Variants in NUDCD3 observed in about 807,000 individuals in gnomAD.
The protein encoded by NUDCD3 is NudC domain containing 3.
In NUDCD3, 13 loss-of-function variants were observed where a neutral mutation model predicts 39.7. That is an observed-to-expected ratio of 0.33 (90% confidence interval 0.21 to 0.52). The LOEUF is 0.52. Among genes scored for constraint, NUDCD3 ranks in the 20% least tolerant of loss-of-function variants. NUDCD3 has a pLI of 0.96. For synonymous variants in NUDCD3, 175 were observed against 172.4 expected, an observed-to-expected ratio of 1.02 and a Z score of -0.12; for missense variants, 453 against 458.1, an observed-to-expected ratio of 0.99 and a Z score of 0.10.
intron 4 of NUDCD3, among the ~76,000 whole-genome samples, chr7:44,395,889 A>G (rs1046931123): frequency 3.3e-5 from 5 of 152,218 alleles, no homozygotes. Flanking sequence ...ATTGATGTAC[A>G]TACATCTGTT....
intron 2 of NUDCD3, among the ~76,000 whole-genome samples, chr7:44,435,225 C>T (rs1698374081): frequency 6.6e-6 from 1 of 152,166 alleles, no homozygotes; most frequent in Admixed American, 6.5e-5. Flanking sequence ...AGCCTGCCTA[C>T]TTTAAAGACA....
intron 2 of NUDCD3, among the ~76,000 whole-genome samples, chr7:44,465,311 C>T (rs1405947392): frequency 6.6e-6 from 1 of 152,168 alleles, no homozygotes; most frequent in East Asian, 1.9e-4. Context: ...ACAGCCACAG[C>T]ACAGTTCACA....
intron 3 of NUDCD3, among the ~76,000 whole-genome samples, chr7:44,416,300 G>C (rs1372817534): frequency 6.6e-6 from 1 of 151,886 alleles, no homozygotes; most frequent in Non-Finnish European, 1.5e-5. Flanking sequence ...TGATGCCCAG[G>C]CTGGTCTCAA....
intron 2 of NUDCD3, among the ~76,000 whole-genome samples, chr7:44,457,062 T>C (rs191603955): frequency 1.3e-5 from 2 of 151,912 alleles, no homozygotes; most frequent in Admixed American, 1.3e-4. Flanking sequence ...CATGTCCCAA[T>C]AATCTCTCAA....
At chr7:44,443,907 CATT>C (rs1352409532) in intron 2 of NUDCD3, among the ~76,000 whole-genome samples, 2 of 152,162 alleles carry the variant, frequency 1.3e-5, no homozygotes, top group African/African-American at 4.8e-5. Context: ...AGCCTCCTCT[CATT>C]ATACTCTGAA....
At chr7:44,452,661 A>G (rs1166477996) in intron 2 of NUDCD3, among the ~76,000 whole-genome samples, 1 of 152,210 alleles carries the variant, frequency 6.6e-6, no homozygotes, top group Non-Finnish European at 1.5e-5. Context: ...AATGGTCATA[A>G]GATCACTCAT....
At chr7:44,446,237 C>T (rs1039902969) in intron 2 of NUDCD3, among the ~76,000 whole-genome samples, 4 of 152,242 alleles carry the variant, frequency 2.6e-5, no homozygotes, top group South Asian at 2.1e-4. Context: ...TTCCTTGTGA[C>T]CATCTTAGGG....
At position 44,385,722 on chromosome 7, in the gene NUDCD3, T is replaced by C; in HGVS notation, c.*289A>G. 1 of 411,378 alleles carries C rather than the reference T, an allele frequency of 2.4e-6. No homozygotes were observed. Among genetic ancestry groups the C allele is most frequent in the Non-Finnish European group, 4.4e-6 (1 of 229,278 alleles). The allele number at this position is 411,378 out of a possible 1,614,324, so 25.5% of individuals were successfully genotyped here. A position where few individuals can be genotyped will look rare whatever the true frequency, so the allele number is the denominator to read the frequency against. On this transcript the variant is annotated 3_prime_UTR_variant, in exon 6 of 6. Coordinates refer to ENST00000355451, the MANE Select transcript of NUDCD3 (RefSeq NM_015332.4). ...TGCTGCCTGCAGTGGCTGGTTGCTG[T>C]GGAGACAAAAGCATGTGATCCCAAT...
At chr7:44,388,233 G>A (rs539369087) in intron 5 of NUDCD3, among the ~76,000 whole-genome samples, 9 of 152,354 alleles carry the variant, frequency 5.9e-5, no homozygotes, top group African/African-American at 1.9e-4. Flanking sequence ...GAGCACGCTG[G>A]TAACTGTGAC....
At chr7:44,434,725 G>A (rs1324543480) in intron 2 of NUDCD3, among the ~76,000 whole-genome samples, 1 of 152,162 alleles carries the variant, frequency 6.6e-6, no homozygotes, top group Non-Finnish European at 1.5e-5. Flanking sequence ...CAGTCAAGCA[G>A]TTTCCCTGAA....
intron 3 of NUDCD3, among the ~76,000 whole-genome samples, chr7:44,418,619 T>C (rs759559978): frequency 7.2e-5 from 11 of 152,168 alleles, no homozygotes; most frequent in Non-Finnish European, 1.5e-4. Context: ...GAATGAATGA[T>C]ATGGGGGGAT....
In NUDCD3 at chr7:44,419,400, C is replaced by T. The variant is rs376940821; in HGVS notation, c.642+8171G>A. Reference sequence around the variant, plus strand: ...ACCTGGGAGAAGGGACGGCTGTGGGCGCAGCTTCAGCAGACTTAAACATTC... The same window carrying T: ...ACCTGGGAGAAGGGACGGCTGTGGGTGCAGCTTCAGCAGACTTAAACATTC... On this transcript the variant is annotated intron_variant, in intron 3 of 5. Coordinates refer to ENST00000355451, the MANE Select transcript of NUDCD3 (RefSeq NM_015332.4). Among the ~76,000 whole-genome samples the T allele has an allele frequency of 4.0e-4, 61 of 152,262 alleles. 1 individual carries two copies. The highest frequency in any genetic ancestry group is 1.4e-3 in the African/African-American group (58 of 41,558).
At chr7:44,436,264 G>C (rs911822756) in intron 2 of NUDCD3, among the ~76,000 whole-genome samples, 3 of 151,866 alleles carry the variant, frequency 2.0e-5, no homozygotes, top group African/African-American at 7.3e-5. Context: ...ATGATGTCTG[G>C]GATTTGTTCT....
intron 3 of NUDCD3, among the ~76,000 whole-genome samples, chr7:44,413,470 A>C (rs1422429548): frequency 2.6e-5 from 4 of 152,210 alleles, no homozygotes; most frequent in Non-Finnish European, 5.9e-5. Context: ...CAGAACTCCT[A>C]GAAATCAGTA....
At chr7:44,437,314 C>T (rs1410932756) in intron 2 of NUDCD3, among the ~76,000 whole-genome samples, 7 of 151,884 alleles carry the variant, frequency 4.6e-5, no homozygotes, top group East Asian at 1.9e-4. Flanking sequence ...ATGATCTGCC[C>T]GCCTTGGCCT....
intron 2 of NUDCD3, among the ~76,000 whole-genome samples, chr7:44,441,420 T>C (rs1187127133): frequency 6.6e-6 from 1 of 152,154 alleles, no homozygotes; most frequent in Non-Finnish European, 1.5e-5. Flanking sequence ...AACCACCCAG[T>C]CTTCCAGGGA....
At position 44,443,504 on chromosome 7, in the gene NUDCD3, G is replaced by A. The variant is rs1299416811; in HGVS notation, c.510-15801C>T. On this transcript the variant is annotated intron_variant, in intron 2 of 5. Coordinates refer to ENST00000355451, the MANE Select transcript of NUDCD3 (RefSeq NM_015332.4). The stretch of plus-strand genomic sequence containing the variant: ...TGGCTCACTGCTACCTCCACCTCCC[G>A]GGTTCAAGCAATTCTCCTGCCTCAG... 6.6e-5 allele frequency among the ~76,000 whole-genome samples: 10 copies of A among 151,972 alleles called. No homozygotes were observed. The East Asian group carries it at 7.7e-4, about 12-fold the overall frequency.
intron 2 of NUDCD3, among the ~76,000 whole-genome samples, chr7:44,439,621 G>A (rs565142909): frequency 8.6e-5 from 13 of 151,658 alleles, no homozygotes; most frequent in Admixed American, 1.3e-4. Flanking sequence ...AGTTGGGGAG[G>A]GGGTAGGGGG....
At chr7:44,467,669 T>G (rs1448513915) in intron 2 of NUDCD3, among the ~76,000 whole-genome samples, 1 of 151,682 alleles carries the variant, frequency 6.6e-6, no homozygotes, top group African/African-American at 2.4e-5. Flanking sequence ...AAAAAAAAAG[T>G]ATTCCATAAA....
Sources: gnomAD v4.1 joint callset for allele counts (sites outside exome capture counted in the v4.1 genomes callset) on GRCh38, gnomAD v4.1.1 for gene constraint, MANE v1.5 for transcripts, NCBI Gene and HGNC (gene_info 2026-07-23, HGNC 2026-07-21) for gene names.